FRMPD4: variants seen among roughly 807,000 people sequenced by gnomAD.
The protein encoded by FRMPD4 is FERM and PDZ domain-containing protein 4.
In FRMPD4, 22 loss-of-function variants were observed where a neutral mutation model predicts 94.1. The observed-to-expected ratio is 0.23, with a 90% CI of 0.17 to 0.33. The LOEUF (loss-of-function observed/expected upper bound fraction) is 0.33. Among genes scored for constraint, FRMPD4 ranks in the 10% least tolerant of loss-of-function variants. FRMPD4 has a pLI of 1.00. For synonymous variants in FRMPD4, 631 were observed against 548.6 expected (o/e 1.15, Z -2.10); for missense variants, 1,111 against 1,339.9 (o/e 0.83, Z 2.67).
At chrX:12,480,731 G>A (rs1324546707) in intron 1 of FRMPD4, among the ~76,000 whole-genome samples, 1 of 112,297 alleles carries the variant, frequency 8.9e-6, no homozygotes, top group Non-Finnish European at 1.9e-5. Flanking sequence ...AACATAGACC[G>A]TTTGCCTGCA....
chrX:12,269,247 A>G (rs1317893045), intron 1 of FRMPD4, among the ~76,000 whole-genome samples: 1 of 111,689 alleles, frequency 9.0e-6, no homozygotes, highest in Non-Finnish European at 1.9e-5. Flanking sequence ...GCAACCCAGC[A>G]TAATAGGTGG....
intron 3 of FRMPD4, among the ~76,000 whole-genome samples, chrX:12,038,659 A>T (rs1460082493): frequency 1.8e-5 from 2 of 112,048 alleles, no homozygotes; most frequent in African/African-American, 6.5e-5. Context: ...TTCAGCTCTG[A>T]CATTTAGGTC....
chrX:12,357,919 C>A (rs2055919336), intron 1 of FRMPD4, among the ~76,000 whole-genome samples: 1 of 112,001 alleles, frequency 8.9e-6, no homozygotes, highest in African/African-American at 3.2e-5. Context: ...TCCCTGGCAA[C>A]CGCTACTCTA....
intron 3 of FRMPD4, among the ~76,000 whole-genome samples, chrX:12,115,433 C>A: frequency 9.0e-6 from 1 of 111,393 alleles, no homozygotes; most frequent in South Asian, 3.8e-4. Context: ...CTGCCTTGGC[C>A]TCCCAAAGTG....
intron 4 of FRMPD4, among the ~76,000 whole-genome samples, chrX:12,643,296 G>A (rs2059516822): frequency 9.0e-6 from 1 of 110,530 alleles, no homozygotes; most frequent in African/African-American, 3.3e-5. Context: ...TAATTTTTTT[G>A]TATTTTTAGT....
intron 4 of FRMPD4, among the ~76,000 whole-genome samples, chrX:12,634,824 CTTTTTTTTTTTTTT>C (rs780126204): frequency 0.022 from 1,154 of 52,280 alleles, 29 homozygotes; most frequent in African/African-American, 0.092. Flanking sequence ...GTCCATCTCT[CTTTTTTTTTTTTTT>C]TTTTTTTTTT....
chrX:11,941,410 C>T lies in FRMPD4; in HGVS notation c.95+63392C>T, dbSNP rs541049084. On this transcript the variant is annotated intron_variant, in intron 3 of 18. Transcript: ENST00000640291. ...TACCTATAGGTCATTCTGGTATTTG[C>T]TTACAATTGCATTCTCCACAGCCCC... Among the ~76,000 whole-genome samples, 19 of 111,534 alleles carry T rather than the reference C, an allele frequency of 1.7e-4. No individual in the cohort carries two copies. In the South Asian group the frequency reaches 7.2e-3, roughly 43 times the overall value.
At chrX:11,859,850 G>C (rs2053675751) in intron 1 of FRMPD4, among the ~76,000 whole-genome samples, 1 of 111,824 alleles carries the variant, frequency 8.9e-6, no homozygotes, top group African/African-American at 3.2e-5. Context: ...TCAACCCCTA[G>C]CTGCTGCTGC....
chrX:11,926,268 A>AAG (rs1286306459), intron 3 of FRMPD4, among the ~76,000 whole-genome samples: 20 of 91,657 alleles, frequency 2.2e-4, no homozygotes, highest in East Asian at 1.5e-3. Flanking sequence ...CAAAAAAAAA[A>AAG]AAAAAAAAAA....
At chrX:12,667,967 C>G (rs772813782) in intron 4 of FRMPD4, among the ~76,000 whole-genome samples, 1 of 112,103 alleles carries the variant, frequency 8.9e-6, no homozygotes, top group Non-Finnish European at 1.9e-5. Context: ...TTTGAAATTA[C>G]TCTTCAAAAG....
chrX:12,632,422 A>G (rs1162080451), intron 4 of FRMPD4, among the ~76,000 whole-genome samples: 1 of 112,158 alleles, frequency 8.9e-6, no homozygotes, highest in African/African-American at 3.2e-5. Flanking sequence ...GTGATCCCCA[A>G]TCATTGAGGG....
chrX:12,356,223 G>A (rs932376244), intron 1 of FRMPD4, among the ~76,000 whole-genome samples: 4 of 112,096 alleles, frequency 3.6e-5, no homozygotes, highest in Admixed American at 9.4e-5. Context: ...CCAGCTTTGC[G>A]GGGCTGCTTC....
intron 1 of FRMPD4, among the ~76,000 whole-genome samples, chrX:12,293,273 A>C (rs374611668): frequency 8.9e-6 from 1 of 112,465 alleles, no homozygotes; most frequent in East Asian, 2.8e-4. Context: ...GCTGTGTTGC[A>C]ATTGGTATCC....
At chrX:12,614,998 C>A in intron 4 of FRMPD4, 117 bp downstream of exon 4, 1 of 377,113 alleles carries the variant, frequency 2.7e-6, no homozygotes, top group Non-Finnish European at 4.8e-6. Context: ...AAATGCAAGC[C>A]AACACATACA....
intron 3 of FRMPD4, among the ~76,000 whole-genome samples, chrX:11,921,145 C>T (rs6640815): frequency 0.049 from 5,503 of 112,016 alleles, 132 homozygotes; most frequent in East Asian, 0.14. Flanking sequence ...CTTGGGCTGT[C>T]GTAACAAAGT....
chrX:12,332,482 T>G (rs1438054164), intron 1 of FRMPD4, among the ~76,000 whole-genome samples: 1 of 110,063 alleles, frequency 9.1e-6, no homozygotes, highest in African/African-American at 3.3e-5. Context: ...TGATCAAGTG[T>G]GCTCATTGGG....
At chrX:12,241,343 T>G (rs2057127428) in intron 1 of FRMPD4, among the ~76,000 whole-genome samples, 1 of 112,383 alleles carries the variant, frequency 8.9e-6, no homozygotes, top group South Asian at 3.7e-4. Flanking sequence ...CACAGTTGCA[T>G]GGAAAATGGA....
At chrX:12,259,737 C>T (rs1279748062) in intron 1 of FRMPD4, among the ~76,000 whole-genome samples, 1 of 111,511 alleles carries the variant, frequency 9.0e-6, no homozygotes, top group Non-Finnish European at 1.9e-5. Flanking sequence ...TATAGTCTAG[C>T]CCTGTGTCTA....
chrX:12,322,666 G>A (rs1269392805), intron 1 of FRMPD4, among the ~76,000 whole-genome samples: 1 of 111,289 alleles, frequency 9.0e-6, no homozygotes, highest in Non-Finnish European at 1.9e-5. Context: ...TAAGGCATGA[G>A]TGACCTGTAT....
Sources: gnomAD v4.1 joint callset for allele counts (sites outside exome capture counted in the v4.1 genomes callset) on GRCh38, gnomAD v4.1.1 for gene constraint, MANE v1.5 for transcripts, NCBI Gene and HGNC (gene_info 2026-07-23, HGNC 2026-07-21) for gene names.